Variants in UACA observed in about 807,000 individuals in gnomAD.
UACA encodes uveal autoantigen with coiled-coil domains and ankyrin repeats.
UACA carries 112 observed loss-of-function variants against 160.5 expected under a neutral mutation model. That is an observed-to-expected ratio of 0.70 (90% CI 0.60 to 0.82). The LOEUF is 0.82. Among genes scored for constraint, UACA ranks in the 40% least tolerant of loss-of-function variants. UACA has a pLI of 0.00. For missense variants in UACA, 1,574 were observed against 1,614.6 expected, an observed-to-expected ratio of 0.97 and a Z score of 0.43; for synonymous variants, 557 against 568.4, an observed-to-expected ratio of 0.98 and a Z score of 0.29.
chr15:70,767,793 C>G (rs74021858), upstream of UACA, among the ~76,000 whole-genome samples: 1,883 of 152,114 alleles, frequency 0.012, 42 homozygotes, highest in African/African-American at 0.044. Flanking sequence ...ATGAAGGGGC[C>G]CATGACATCA....
At chr15:70,745,367 G>A (rs889133703) in intron 1 of UACA, among the ~76,000 whole-genome samples, 11 of 151,606 alleles carry the variant, frequency 7.3e-5, no homozygotes, top group Non-Finnish European at 1.0e-4. Context: ...CCCGGGAGGC[G>A]GAGCTTGCAG....
the UACA span, among the ~76,000 whole-genome samples, chr15:70,768,666 C>T: frequency 1.3e-5 from 2 of 152,178 alleles, no homozygotes; most frequent in Non-Finnish European, 2.9e-5. Context: ...GTTCTGGGAT[C>T]AGTAACCATC....
At chr15:70,777,027 C>T in the UACA span, among the ~76,000 whole-genome samples, 7 of 152,110 alleles carry the variant, frequency 4.6e-5, no homozygotes, top group Non-Finnish European at 1.0e-4. Flanking sequence ...GCATGGGAAA[C>T]CACATCATCG....
At chr15:70,669,609 T>C in intron 15 of UACA, 147 bp from the exon 16 acceptor site, 3 of 602,040 alleles carry the variant, frequency 5.0e-6, no homozygotes, top group East Asian at 3.0e-5. Context: ...AAAATCACAA[T>C]GCTGATTTTT....
chr15:70,738,348 A>G (rs2141000006), intron 1 of UACA, among the ~76,000 whole-genome samples: 2 of 151,966 alleles, frequency 1.3e-5, no homozygotes, highest in African/African-American at 2.4e-5. Flanking sequence ...ATGTCAGATC[A>G]TGTTACTCCT....
the UACA span, among the ~76,000 whole-genome samples, chr15:70,778,156 G>A: frequency 9.7e-4 from 147 of 151,706 alleles, no homozygotes; most frequent in African/African-American, 3.3e-3. Context: ...AGCTGTGATC[G>A]TGCCATTGCA....
At chr15:70,778,401 A>G in the UACA span, among the ~76,000 whole-genome samples, 1 of 152,180 alleles carries the variant, frequency 6.6e-6, no homozygotes, top group Non-Finnish European at 1.5e-5. Context: ...CAGAGTGTTC[A>G]TTTGTTGCCT....
At chr15:70,772,039 T>G in the UACA span, among the ~76,000 whole-genome samples, 1 of 152,204 alleles carries the variant, frequency 6.6e-6, no homozygotes, top group Non-Finnish European at 1.5e-5. Flanking sequence ...ATCTTATTTA[T>G]ATACTAAAAA....
At chr15:70,657,178 A>G (rs749585372) in intron 18 of UACA, 51 bp from the exon 19 acceptor site, 2 of 1,465,300 alleles carry the variant, frequency 1.4e-6, no homozygotes, top group East Asian at 2.3e-5. Context: ...CTTTGTTTAC[A>G]TAAGAATTCT....
intron 1 of UACA, among the ~76,000 whole-genome samples, chr15:70,717,957 C>T (rs1428140355): frequency 1.3e-5 from 2 of 151,654 alleles, no homozygotes; most frequent in Non-Finnish European, 2.9e-5. Flanking sequence ...GACTTCCCTG[C>T]CTGCTCTACA....
chr15:70,669,252 C>T lies in UACA; in HGVS notation c.1432G>A (p.Ala478Thr). 5 of 1,614,052 alleles carry T rather than the reference C, an allele frequency of 3.1e-6. No individual in the cohort carries two copies. The highest frequency in any genetic ancestry group is 4.2e-6 in the Non-Finnish European group (5 of 1,179,982). ...AHKVAECKAL[A>T]LECERVKEDS... ...TCCTTGACCCTTTCACATTCTAATG[C>T]TAAAGCTTTGCATTCTGCCACTTTG... The change falls in exon 16 of 19, where the codon GCA becomes ACA. Residue 478 changes from alanine to threonine, a missense_variant. By Grantham distance (58) the Ala-to-Thr change is moderately conservative. Coordinates refer to ENST00000322954, the MANE Select transcript of UACA (RefSeq NM_018003.4).
chr15:70,760,623 A>G (rs929341585), intron 1 of UACA, among the ~76,000 whole-genome samples: 6 of 152,110 alleles, frequency 3.9e-5, no homozygotes, highest in African/African-American at 9.7e-5. Context: ...CCTGGACAAC[A>G]TGGTGAAACC....
At chr15:70,765,253 T>C (rs894476745), upstream of UACA, among the ~76,000 whole-genome samples, 7 of 152,112 alleles carry the variant, frequency 4.6e-5, no homozygotes, top group African/African-American at 1.7e-4. Context: ...CCAAGAGTGA[T>C]TGGTAGGGGA....
In UACA at chr15:70,669,258, C is replaced by T. The variant is rs749637765; in HGVS notation, c.1426G>A (p.Ala476Thr). The change falls in exon 16 of 19, where the codon GCT becomes ACT. Residue 476 changes from alanine (A) to threonine (T), a missense_variant. Transcript: ENST00000322954. ...ACCCTTTCACATTCTAATGCTAAAG[C>T]TTTGCATTCTGCCACTTTGTGTGCC... ...ELAHKVAECKALALECERVKE... is the reference protein window; with the variant it reads ...ELAHKVAECKTLALECERVKE... The T allele has an allele frequency of 1.2e-6, 2 of 1,613,916 alleles. No homozygotes were observed. The highest frequency in any genetic ancestry group is 1.7e-5 in the Admixed American group (1 of 59,976).
intron 1 of UACA, among the ~76,000 whole-genome samples, chr15:70,737,981 A>C (rs1387017861): frequency 1.3e-5 from 2 of 152,198 alleles, no homozygotes; most frequent in Non-Finnish European, 1.5e-5. Context: ...ACATTTTTGC[A>C]ACTTGTGATT....
intron 17 of UACA, 114 bp from the exon 18 acceptor site, chr15:70,660,330 T>G (rs1896662726): frequency 2.4e-6 from 2 of 831,092 alleles, no homozygotes; most frequent in Non-Finnish European, 3.9e-6. Context: ...GCGATCCTGC[T>G]ACTTCTAACA....
intron 18 of UACA, among the ~76,000 whole-genome samples, chr15:70,658,678 G>A (rs1896569437): frequency 6.6e-6 from 1 of 151,886 alleles, no homozygotes; most frequent in Non-Finnish European, 1.5e-5. Flanking sequence ...CAATATGGTG[G>A]GCTTATTAAA....
At chr15:70,769,780 T>G in the UACA span, among the ~76,000 whole-genome samples, 1 of 152,086 alleles carries the variant, frequency 6.6e-6, no homozygotes, top group African/African-American at 2.4e-5. Flanking sequence ...GTGGATCATA[T>G]GAGATCAGGA....
intron 1 of UACA, among the ~76,000 whole-genome samples, chr15:70,709,203 T>A (rs968462377): frequency 6.6e-5 from 10 of 152,210 alleles, no homozygotes; most frequent in Non-Finnish European, 1.2e-4. Flanking sequence ...ATTTTTTGAG[T>A]GGTATTAATG....
Sources: allele counts gnomAD v4.1 joint callset (sites outside exome capture counted in the v4.1 genomes callset), GRCh38; gene constraint gnomAD v4.1.1; transcripts MANE v1.5; gene names NCBI Gene and HGNC (gene_info 2026-07-23, HGNC 2026-07-21).